Variants in MAP2K5 observed in about 807,000 individuals in gnomAD.
The protein encoded by MAP2K5 is mitogen-activated protein kinase kinase 5.
Under a neutral mutation model 83.1 loss-of-function variants are expected in MAP2K5, and 49 were observed. The ratio of observed to expected loss-of-function variants is 0.59; its 90% CI spans 0.47 to 0.75. The LOEUF is 0.75. MAP2K5 is among the 30% of genes least tolerant of loss of function. MAP2K5 has a pLI of 0.00. For synonymous variants in MAP2K5, 202 were observed against 191.8 expected (o/e 1.05, Z -0.44); for missense variants, 457 against 557.5 (o/e 0.82, Z 1.82).
At chr15:67,560,341 A>G (rs1009049585) in intron 2 of MAP2K5, among the ~76,000 whole-genome samples, 1 of 152,226 alleles carries the variant, frequency 6.6e-6, no homozygotes, top group Non-Finnish European at 1.5e-5. Context: ...TTCCTCTTGG[A>G]CAAAAACAAG....
At chr15:67,582,422 T>G (rs896132890) in intron 4 of MAP2K5, among the ~76,000 whole-genome samples, 3 of 152,202 alleles carry the variant, frequency 2.0e-5, no homozygotes, top group African/African-American at 7.2e-5. Context: ...TTCAAAATTC[T>G]TTCTTCACAA....
intron 8 of MAP2K5, 103 bp from the exon 9 acceptor site, chr15:67,630,782 ATGT>A: frequency 1.4e-6 from 1 of 737,522 alleles, no homozygotes; most frequent in Non-Finnish European, 2.4e-6. Flanking sequence ...TGAAAGTACC[ATGT>A]ATCCCACTGC....
rs1184876323 is a variant in MAP2K5 at position 67,613,002 on chromosome 15, GA to G, written c.545+12254del. Among the ~76,000 whole-genome samples, 14 of 6,404 alleles carry G rather than the reference GA, an allele frequency of 2.2e-3. No homozygotes were observed. In the South Asian group the frequency reaches 0.13, roughly 62 times the overall value. 4.2% of individuals were successfully genotyped at this position (6,404 alleles called of 152,430 possible). On this transcript the variant is annotated intron_variant, in intron 8 of 21. Transcript: ENST00000178640. ...GTGTTCATTTAGCTGATAGTTAAAA[GA>G]GGAGTTATTTACAGAGGCCTCTACT...
At chr15:67,630,864 T>A (rs2086457235) in intron 8 of MAP2K5, 24 bp from the exon 9 acceptor site, 2 of 1,597,028 alleles carry the variant, frequency 1.3e-6, no homozygotes, top group African/African-American at 1.3e-5. Context: ...TCCCAAATGA[T>A]TTTGTTTTTT....
At chr15:67,729,823 G>C (rs1282389391) in intron 17 of MAP2K5, among the ~76,000 whole-genome samples, 1 of 152,196 alleles carries the variant, frequency 6.6e-6, no homozygotes, top group South Asian at 2.1e-4. Flanking sequence ...CATGAAAGCT[G>C]TGGTCAAATT....
chr15:67,709,492 A>AC (rs1289570344), intron 16 of MAP2K5, among the ~76,000 whole-genome samples: 1 of 151,764 alleles, frequency 6.6e-6, no homozygotes, highest in Non-Finnish European at 1.5e-5. Flanking sequence ...AAAAAAAAAA[A>AC]AACTACAGGG....
rs773596658 is a variant in MAP2K5 at position 67,764,500 on chromosome 15, C to T, written c.1135-5102C>T. The stretch of plus-strand genomic sequence containing the variant: ...TGAGTGCCCAGCTTTGGCAGTCTCA[C>T]GTGGCCACTTCCTCCATCCTGCAGG... On this transcript the variant is annotated intron_variant, in intron 19 of 21. Coordinates refer to ENST00000178640, the MANE Select transcript of MAP2K5 (RefSeq NM_145160.3). This position sits in a 1 kb window ranked among gnomAD's most constrained non-coding sequence, Gnocchi z 4.9. 7.2e-5 allele frequency among the ~76,000 whole-genome samples: 11 copies of T among 152,174 alleles called. No individual in the cohort carries two copies. Among genetic ancestry groups the T allele is most frequent in the Non-Finnish European group, 1.2e-4 (8 of 68,032 alleles).
chr15:67,755,980 C>T lies in MAP2K5; in HGVS notation c.1134+7379C>T, dbSNP rs968888841. ...CCTCTTTCCATTGTCCTCCCCACAT[C>T]CTCACTGTGGCATTCCCGTTGATCC... On this transcript the variant is annotated intron_variant, in intron 19 of 21. Transcript: ENST00000178640. This position sits in a 1 kb window ranked among gnomAD's most constrained non-coding sequence, Gnocchi z 4.7. Among the ~76,000 whole-genome samples the T allele has an allele frequency of 6.6e-6, 1 of 152,186 alleles. No homozygotes were observed. The highest frequency in any genetic ancestry group is 1.5e-5 in the Non-Finnish European group (1 of 68,028).
At chr15:67,645,104 A>C (rs1336740796) in intron 9 of MAP2K5, among the ~76,000 whole-genome samples, 2 of 152,146 alleles carry the variant, frequency 1.3e-5, no homozygotes, top group East Asian at 3.9e-4. Flanking sequence ...CCCAGGAGAC[A>C]GAGGTTGCAG....
rs1402219800 is a variant in MAP2K5, at chr15:67,577,548, A to G, written c.253-3206A>G. ...TTCAGTATCTTAGTGTACAAAGTTT[A>G]GGGGTGTTTTTTTGGTCGTTGCTGT... On this transcript the variant is annotated intron_variant, in intron 3 of 21. Coordinates refer to ENST00000178640, the MANE Select transcript of MAP2K5 (RefSeq NM_145160.3). This position sits in a 1 kb window ranked among gnomAD's most constrained non-coding sequence, Gnocchi z 4.1. Among the ~76,000 whole-genome samples the G allele has an allele frequency of 1.3e-5, 2 of 152,146 alleles. No homozygotes were observed. The highest frequency in any genetic ancestry group is 2.9e-5 in the Non-Finnish European group (2 of 68,020).
chr15:67,560,894 T>G (rs766083312), intron 2 of MAP2K5, among the ~76,000 whole-genome samples: 3 of 152,226 alleles, frequency 2.0e-5, no homozygotes, highest in African/African-American at 4.8e-5. Flanking sequence ...ATGATTTTTA[T>G]GTAATCGGTG....
intron 1 of MAP2K5, among the ~76,000 whole-genome samples, chr15:67,544,948 C>T (rs925639700): frequency 6.6e-6 from 1 of 152,172 alleles, no homozygotes; most frequent in African/African-American, 2.4e-5. Context: ...ATACAGATTT[C>T]CCCTCATGAT....
In MAP2K5 at chr15:67,769,750, C is replaced by A; in HGVS notation, c.1196+87C>A. On this transcript the variant is annotated intron_variant, in intron 20 of 21. Coordinates refer to ENST00000178640, the MANE Select transcript of MAP2K5 (RefSeq NM_145160.3). This position sits in a 1 kb window ranked among gnomAD's most constrained non-coding sequence, Gnocchi z 5.2. ...AGCTCCGTGAGACCTTATGGCTCTC[C>A]CTGCATCCTTTTGGAGACAGGAGGG... The A allele has an allele frequency of 7.4e-7, 1 of 1,343,838 alleles. No individual in the cohort carries two copies. The highest frequency in any genetic ancestry group is 1.1e-6 in the Non-Finnish European group (1 of 944,260). 83.2% of individuals were successfully genotyped at this position (1,343,838 alleles called of 1,614,324 possible). A position where few individuals can be genotyped will look rare whatever the true frequency, so the allele number is the denominator to read the frequency against.
chr15:67,630,235 ATCAG>A (rs760590207), intron 8 of MAP2K5, among the ~76,000 whole-genome samples: 3 of 152,326 alleles, frequency 2.0e-5, no homozygotes, highest in Admixed American at 2.0e-4. Context: ...CCCTGTCTGA[ATCAG>A]TCAGTCACTC....
rs2089676271 is a variant in MAP2K5 at position 67,749,598 on chromosome 15, A to ACG, written c.1134+997_1134+998insCG. 6.6e-6 allele frequency among the ~76,000 whole-genome samples: 1 copy of ACG among 152,122 alleles called. No individual in the cohort carries two copies. The highest frequency in any genetic ancestry group is 1.5e-5 in the Non-Finnish European group (1 of 68,026). On this transcript the variant is annotated intron_variant, in intron 19 of 21. Coordinates refer to ENST00000178640, the MANE Select transcript of MAP2K5 (RefSeq NM_145160.3). This position sits in a 1 kb window ranked among gnomAD's most constrained non-coding sequence, Gnocchi z 4.6. ...AGGAAAAAAATAAACACACACACAC[A>ACG]TATCACAATAATAGTAAGAGTGGGG...
rs747380114 is a variant in MAP2K5, at chr15:67,748,214, A to C, written c.1075-17A>C. 1 of 1,591,664 alleles carries C rather than the reference A, an allele frequency of 6.3e-7. No homozygotes were observed. The highest frequency in any genetic ancestry group is 8.6e-7 in the Non-Finnish European group (1 of 1,160,240). On this transcript the variant is annotated splice_polypyrimidine_tract_variant and intron_variant, in intron 17 of 21. Transcript: ENST00000178640. This position sits in a 1 kb window ranked among gnomAD's most constrained non-coding sequence, Gnocchi z 4.0. Reference sequence around the variant, plus strand: ...ATTTTGATTATGACATGCTAATTACATATTGCCTTTTTTCAGATTCAGAAA... The same window carrying C: ...ATTTTGATTATGACATGCTAATTACCTATTGCCTTTTTTCAGATTCAGAAA...
chr15:67,581,664 CA>C lies in MAP2K5; in HGVS notation c.322+842del, dbSNP rs142044342. ...CGTTAACTGATACTGTACAAATAAT[CA>C]TGGTATGAGTTTTCCAATTAAACAT... On this transcript the variant is annotated intron_variant, in intron 4 of 21. Coordinates refer to ENST00000178640, the MANE Select transcript of MAP2K5 (RefSeq NM_145160.3). Among the ~76,000 whole-genome samples, 286 of 152,248 alleles carry C rather than the reference CA, an allele frequency of 1.9e-3. 2 individuals are homozygous for C. The highest frequency in any genetic ancestry group is 6.7e-3 in the African/African-American group (277 of 41,528).
intron 2 of MAP2K5, among the ~76,000 whole-genome samples, chr15:67,553,919 C>CA (rs71142378): frequency 0.75 from 60,493 of 80,270 alleles, 23,882 homozygotes; most frequent in Non-Finnish European, 0.84. Flanking sequence ...GACTCCATCT[C>CA]AAAAAAAAAA....
At chr15:67,602,395 TC>T (rs1451054344) in intron 8 of MAP2K5, among the ~76,000 whole-genome samples, 1 of 152,244 alleles carries the variant, frequency 6.6e-6, no homozygotes, top group Non-Finnish European at 1.5e-5. Flanking sequence ...AGGAAAGATT[TC>T]TGGCAACTCT....
Sources: allele counts gnomAD v4.1 joint callset (sites outside exome capture counted in the v4.1 genomes callset), GRCh38; gene constraint gnomAD v4.1.1; non-coding constraint Gnocchi (gnomAD v3.1); transcripts MANE v1.5; gene names NCBI Gene and HGNC (gene_info 2026-07-23, HGNC 2026-07-21).